Variants in FGFR2 observed in about 807,000 individuals in gnomAD.
FGFR2 encodes the protein fibroblast growth factor receptor 2, also known as BEK fibroblast growth factor receptor.
In FGFR2, 19 loss-of-function variants were observed where a neutral mutation model predicts 95.9. That is an observed-to-expected ratio of 0.20 (90% CI 0.14 to 0.29). FGFR2 has a LOEUF of 0.29. FGFR2 is among the 10% of genes least tolerant of loss of function. The probability of loss-of-function intolerance (pLI) is 1.00; values close to 1 mark genes in which losing one functional copy is unlikely to be tolerated. For synonymous variants in FGFR2, 392 were observed against 393.3 expected (o/e 1.00, Z 0.04); for missense variants, 707 against 1,056.9 (o/e 0.67, Z 4.59).
At chr10:121,545,122 A>G (rs1163407617) in intron 5 of FGFR2, among the ~76,000 whole-genome samples, 1 of 152,196 alleles carries the variant, frequency 6.6e-6, no homozygotes, top group East Asian at 1.9e-4. Context: ...CAGCCTGCGC[A>G]ATATAGAGGG....
intron 6 of FGFR2, 23 bp from the exon 7 acceptor site, chr10:121,520,192 G>A (rs766012977): frequency 5.0e-6 from 8 of 1,605,908 alleles, no homozygotes; most frequent in South Asian, 4.4e-5. Flanking sequence ...GGGAAGAAAG[G>A]AGGAGTGGGG....
At chr10:121,527,480 A>T (rs1851528984) in intron 6 of FGFR2, among the ~76,000 whole-genome samples, 1 of 152,252 alleles carries the variant, frequency 6.6e-6, no homozygotes, top group Admixed American at 6.5e-5. Context: ...AAAGTCCTGG[A>T]GATGAACAAT....
chr10:121,492,877 AAAC>A (rs1263023957), intron 13 of FGFR2, among the ~76,000 whole-genome samples: 1 of 152,156 alleles, frequency 6.6e-6, no homozygotes, highest in African/African-American at 2.4e-5. Flanking sequence ...CTGGGGCACT[AAAC>A]AACCCCTCAC....
intron 5 of FGFR2, among the ~76,000 whole-genome samples, chr10:121,546,482 G>A (rs764000940): frequency 6.6e-6 from 1 of 152,312 alleles, no homozygotes; most frequent in African/African-American, 2.4e-5. Context: ...CTTTGCTCAT[G>A]CACTTTAAAA....
intron 5 of FGFR2, among the ~76,000 whole-genome samples, chr10:121,550,335 A>C (rs1166120845): frequency 6.6e-6 from 1 of 152,066 alleles, no homozygotes; most frequent in African/African-American, 2.4e-5. Context: ...GCCATGCCTC[A>C]CCCTCTCATC....
chr10:121,517,242 T>C lies in FGFR2; in HGVS notation c.1084+77A>G. The C allele has an allele frequency of 1.3e-6, 2 of 1,485,108 alleles. No individual in the cohort carries two copies. The highest frequency in any genetic ancestry group is 1.9e-6 in the Non-Finnish European group (2 of 1,063,214). The allele number at this position is 1,485,108 out of a possible 1,614,324, so 92.0% of individuals were successfully genotyped here. ...CAAGGATAAAAGGGGCCATTTCTGA[T>C]AACAGAAGCTGTGTTAATTTTATAG... is the stretch of plus-strand genomic sequence containing the variant. On this transcript the variant is annotated intron_variant, in intron 8 of 17. Transcript: ENST00000358487. This position sits in a 1 kb window ranked among gnomAD's most constrained non-coding sequence, Gnocchi z 4.7.
chr10:121,510,772 C>T (rs1211401039), intron 9 of FGFR2, among the ~76,000 whole-genome samples: 1 of 117,546 alleles, frequency 8.5e-6, no homozygotes, highest in Non-Finnish European at 1.8e-5. Context: ...GCCTTCACTG[C>T]CCTTGATTTA....
At chr10:121,554,660 C>G (rs56674361) in intron 4 of FGFR2, among the ~76,000 whole-genome samples, 1 of 151,862 alleles carries the variant, frequency 6.6e-6, no homozygotes, top group Admixed American at 6.6e-5. Context: ...CGTGAGCTAC[C>G]GCGCCCGGCT....
chr10:121,514,780 T>C lies in FGFR2; in HGVS notation c.1287+337A>G, dbSNP rs187061609. Among the ~76,000 whole-genome samples, 411 of 152,314 alleles carry C rather than the reference T, an allele frequency of 2.7e-3. 3 individuals carry two copies. Among genetic ancestry groups the C allele is most frequent in the African/African-American group, 9.8e-3 (407 of 41,562 alleles). On this transcript the variant is annotated intron_variant, in intron 9 of 17. Transcript: ENST00000358487. ...GGTATTAGATCACAGGACACGAATGTGGCTAAAGCTTCGAAGAGACCGCTG... is the reference window on the plus strand; with the variant it reads ...GGTATTAGATCACAGGACACGAATGCGGCTAAAGCTTCGAAGAGACCGCTG...
chr10:121,574,540 T>TAAC (rs1859393449), intron 2 of FGFR2, among the ~76,000 whole-genome samples: 1 of 151,144 alleles, frequency 6.6e-6, no homozygotes, highest in African/African-American at 2.4e-5. Context: ...AAAATAATAA[T>TAAC]AATAATAATA....
chr10:121,480,117 AAAG>A lies in FGFR2; in HGVS notation c.2302-99_2302-97del, dbSNP rs760184728. On this transcript the variant is annotated intron_variant, in intron 17 of 17. Transcript: ENST00000358487. Reference sequence around the variant, plus strand: ...GCTGACTGAGGTCCAAGTATTCCTGAAAGAAGGGAAGAGAAGAGTTTTATTTCA... The same window carrying A: ...GCTGACTGAGGTCCAAGTATTCCTGAAAGGGAAGAGAAGAGTTTTATTTCA... 8.1e-6 allele frequency: 10 copies of A among 1,238,844 alleles called. No individual in the cohort carries two copies. The South Asian group carries it at 1.2e-4, about 15-fold the overall frequency. The allele number at this position is 1,238,844 out of a possible 1,614,324, so 76.7% of individuals were successfully genotyped here. A position where few individuals can be genotyped will look rare whatever the true frequency, so the allele number is the denominator to read the frequency against.
intron 2 of FGFR2, among the ~76,000 whole-genome samples, chr10:121,569,048 A>G (rs760792141): frequency 3.9e-5 from 6 of 152,166 alleles, no homozygotes; most frequent in Non-Finnish European, 5.9e-5. Flanking sequence ...TAAGATTCCA[A>G]TGAGCCAACG....
intron 1 of FGFR2, 110 bp from the exon 2 acceptor site, chr10:121,594,077 C>T (rs1863088617): frequency 2.3e-5 from 13 of 576,222 alleles, no homozygotes; most frequent in South Asian, 2.2e-4. Flanking sequence ...AAACAGAGTT[C>T]TTTTTCATTA....
intron 9 of FGFR2, among the ~76,000 whole-genome samples, chr10:121,510,186 C>A (rs113824104): frequency 6.6e-6 from 1 of 152,220 alleles, no homozygotes; most frequent in African/African-American, 2.4e-5. Context: ...CAGACACTCA[C>A]TTTTCTCCCA....
At chr10:121,516,119 C>G (rs932647152) in intron 8 of FGFR2, among the ~76,000 whole-genome samples, 1 of 152,150 alleles carries the variant, frequency 6.6e-6, no homozygotes, top group Non-Finnish European at 1.5e-5. Context: ...CTTCCAATGT[C>G]TGACTTCTTC....
At chr10:121,530,622 A>G (rs1284438774) in intron 6 of FGFR2, among the ~76,000 whole-genome samples, 1 of 152,220 alleles carries the variant, frequency 6.6e-6, no homozygotes, top group Non-Finnish European at 1.5e-5. Context: ...ACTCCGTCTC[A>G]TAAAACTTCC....
In FGFR2 at chr10:121,530,749, C is replaced by A. The variant is rs926979340; in HGVS notation, c.748+7843G>T. 1.1e-4 allele frequency among the ~76,000 whole-genome samples: 17 copies of A among 152,324 alleles called. No homozygotes were observed. The East Asian group carries it at 2.5e-3, about 22-fold the overall frequency. On this transcript the variant is annotated intron_variant, in intron 6 of 17. Coordinates refer to ENST00000358487, the MANE Select transcript of FGFR2 (RefSeq NM_000141.5). ...ATTTGCAATGTTAAGAACCACAAAA[C>A]TCCAAATATAAGCAACTTATTAAAC...
chr10:121,545,130 G>A (rs896812267), intron 5 of FGFR2, among the ~76,000 whole-genome samples: 1 of 152,144 alleles, frequency 6.6e-6, no homozygotes, highest in East Asian at 1.9e-4. Flanking sequence ...GCAATATAGA[G>A]GGACTCTGTC....
chr10:121,522,627 A>G (rs1489212030), intron 6 of FGFR2, among the ~76,000 whole-genome samples: 1 of 152,224 alleles, frequency 6.6e-6, no homozygotes, highest in African/African-American at 2.4e-5. Context: ...AAATGAAATA[A>G]AATAAAAAGA....
Sources: gnomAD v4.1 joint callset for allele counts (sites outside exome capture counted in the v4.1 genomes callset) on GRCh38, gnomAD v4.1.1 for gene constraint, Gnocchi (gnomAD v3.1) non-coding constraint, MANE v1.5 for transcripts, NCBI Gene and HGNC (gene_info 2026-07-23, HGNC 2026-07-21) for gene names.